The following ELAVL4 variants were observed in gnomAD, a reference collection of about 807,000 sequenced individuals.
ELAVL4 encodes ELAV-like protein 4.
Under a neutral mutation model 35.6 loss-of-function variants are expected in ELAVL4, and 1 was observed. The observed-to-expected ratio is 0.03, with a 90% CI of 0.01 to 0.13. The LOEUF (loss-of-function observed/expected upper bound fraction) is 0.13. Ranked by LOEUF, ELAVL4 falls within the 10% of genes least tolerant of loss-of-function variation. The pLI is 1.00. For synonymous variants in ELAVL4, 156 were observed against 171.0 expected (o/e 0.91, Z 0.69); for missense variants, 267 against 464.9 (o/e 0.57, Z 3.91).
At chr1:50,071,060 C>A (rs1461490010) in intron 1 of ELAVL4, among the ~76,000 whole-genome samples, 1 of 152,118 alleles carries the variant, frequency 6.6e-6, no homozygotes, top group Non-Finnish European at 1.5e-5. Flanking sequence ...CACCTCCAGA[C>A]CCTCACACGG....
At chr1:50,077,456 G>A (rs1664813640) in intron 1 of ELAVL4, among the ~76,000 whole-genome samples, 1 of 152,136 alleles carries the variant, frequency 6.6e-6, no homozygotes, top group South Asian at 2.1e-4. Flanking sequence ...TTCTATTCAG[G>A]CCTTCAACTG....
intron 1 of ELAVL4, among the ~76,000 whole-genome samples, chr1:50,126,595 T>C (rs1669962764): frequency 6.6e-6 from 1 of 152,140 alleles, no homozygotes; most frequent in Admixed American, 6.5e-5. Context: ...CTTTATGTAT[T>C]GTATCTCCTG....
intron 2 of ELAVL4, among the ~76,000 whole-genome samples, chr1:50,151,467 C>A (rs1674774680): frequency 6.6e-6 from 1 of 152,122 alleles, no homozygotes; most frequent in African/African-American, 2.4e-5. Context: ...GTATGTTCAC[C>A]TTTTCTTTAT....
intron 1 of ELAVL4, among the ~76,000 whole-genome samples, chr1:50,067,539 T>C (rs1664319682): frequency 6.6e-6 from 1 of 152,180 alleles, no homozygotes; most frequent in Non-Finnish European, 1.5e-5. Context: ...ACAGATGTAG[T>C]CAGAAAGATA....
At chr1:50,106,170 C>A (rs1359534978), upstream of ELAVL4, 1 of 558,322 alleles carries the variant, frequency 1.8e-6, no homozygotes, top group East Asian at 2.9e-5. Flanking sequence ...GCCCATTGTG[C>A]CACGTAAGGC....
intron 1 of ELAVL4, among the ~76,000 whole-genome samples, chr1:50,077,754 T>C (rs941103573): frequency 6.6e-6 from 1 of 152,220 alleles, no homozygotes; most frequent in Non-Finnish European, 1.5e-5. Flanking sequence ...AAAAGGTTAC[T>C]TTAATGATAA....
Position 50,195,555 on chromosome 1 carries a change from C to T in ELAVL4, c.509-6C>T. The T allele has an allele frequency of 6.2e-7, 1 of 1,613,964 alleles. No homozygotes were observed. The highest frequency in any genetic ancestry group is 1.1e-5 in the South Asian group (1 of 91,070). On this transcript the variant is annotated splice_polypyrimidine_tract_variant and splice_region_variant and intron_variant, in intron 4 of 6. Coordinates refer to ENST00000371824, the MANE Select transcript of ELAVL4 (RefSeq NM_001144774.3). Reference sequence around the variant, plus strand: ...CTCTTTACAAAGGCTCTTTCTCTTTCCCCAGGAGTGTCCAGAGGGGTGGGA... The same window carrying T: ...CTCTTTACAAAGGCTCTTTCTCTTTTCCCAGGAGTGTCCAGAGGGGTGGGA...
At chr1:50,194,200 T>C (rs927942994) in intron 4 of ELAVL4, among the ~76,000 whole-genome samples, 1 of 152,228 alleles carries the variant, frequency 6.6e-6, no homozygotes, top group Non-Finnish European at 1.5e-5. Flanking sequence ...AGTGGAACTG[T>C]ATGACCTTCA....
At chr1:50,149,050 T>C (rs1176914977) in intron 2 of ELAVL4, among the ~76,000 whole-genome samples, 1 of 152,004 alleles carries the variant, frequency 6.6e-6, no homozygotes, top group Non-Finnish European at 1.5e-5. Context: ...TATAAGTGTT[T>C]ATCTTGTTAC....
intron 1 of ELAVL4, among the ~76,000 whole-genome samples, chr1:50,141,589 G>A (rs1029588436): frequency 8.5e-5 from 13 of 152,154 alleles, no homozygotes; most frequent in Non-Finnish European, 1.5e-4. Context: ...GCTCTGTAAT[G>A]CCATCCCTTT....
At chr1:50,061,577 C>A (rs1663974412) in intron 1 of ELAVL4, among the ~76,000 whole-genome samples, 1 of 152,186 alleles carries the variant, frequency 6.6e-6, no homozygotes, top group African/African-American at 2.4e-5. Context: ...GGTAGTGTGG[C>A]CCTCATGGAG....
intron 1 of ELAVL4, among the ~76,000 whole-genome samples, chr1:50,075,186 C>A (rs1303493239): frequency 1.4e-4 from 22 of 152,066 alleles, no homozygotes; most frequent in Admixed American, 1.4e-3. Flanking sequence ...CGATGTAAGG[C>A]CACCAGGGAG....
intron 1 of ELAVL4, among the ~76,000 whole-genome samples, chr1:50,070,535 G>T (rs1664466428): frequency 2.0e-5 from 3 of 152,182 alleles, no homozygotes; most frequent in Admixed American, 1.3e-4. Flanking sequence ...GAGGTCAGGA[G>T]TTCGAGACCA....
intron 1 of ELAVL4, among the ~76,000 whole-genome samples, chr1:50,120,004 G>A (rs954870342): frequency 5.3e-5 from 8 of 151,448 alleles, no homozygotes; most frequent in African/African-American, 1.9e-4. Flanking sequence ...ACTTTTCTTG[G>A]GGGAAAAATA....
At chr1:50,069,423 T>C (rs1200982638) in intron 1 of ELAVL4, among the ~76,000 whole-genome samples, 1 of 152,228 alleles carries the variant, frequency 6.6e-6, no homozygotes, top group Non-Finnish European at 1.5e-5. Flanking sequence ...GGCTGTTTTT[T>C]AAACCAGAAG....
At chr1:50,168,445 C>T (rs551124643) in intron 2 of ELAVL4, among the ~76,000 whole-genome samples, 2 of 152,238 alleles carry the variant, frequency 1.3e-5, no homozygotes, top group South Asian at 2.1e-4. Flanking sequence ...TCTGTTTTTC[C>T]GTAATTTCAG....
intron 3 of ELAVL4, chr1:50,179,738 T>G (rs1391954258): frequency 6.6e-6 from 1 of 152,186 alleles, no homozygotes; most frequent in Non-Finnish European, 1.5e-5. Flanking sequence ...TCCCCCTCCT[T>G]TTCAAATTTC....
At chr1:50,135,634 T>C (rs1671759851) in intron 1 of ELAVL4, among the ~76,000 whole-genome samples, 1 of 152,172 alleles carries the variant, frequency 6.6e-6, no homozygotes, top group Non-Finnish European at 1.5e-5. Flanking sequence ...TACACTTGTT[T>C]TAAGGATATG....
intron 1 of ELAVL4, among the ~76,000 whole-genome samples, chr1:50,119,506 A>G (rs1471881584): frequency 1.3e-5 from 2 of 152,092 alleles, no homozygotes; most frequent in Admixed American, 6.6e-5. Context: ...ATCCATATTT[A>G]GGTCAATACT....
Sources: allele counts gnomAD v4.1 joint callset (sites outside exome capture counted in the v4.1 genomes callset), GRCh38; gene constraint gnomAD v4.1.1; transcripts MANE v1.5; gene names NCBI Gene and HGNC (gene_info 2026-07-23, HGNC 2026-07-21).